ZBBX: variants seen among roughly 807,000 people sequenced by gnomAD.
The protein encoded by ZBBX is zinc finger B-box domain containing, also known as zinc finger B-box domain-containing protein 1.
Under a neutral mutation model 108.5 loss-of-function variants are expected in ZBBX, and 101 were observed. That is an observed-to-expected ratio of 0.93 (90% confidence interval 0.79 to 1.10). The LOEUF is 1.10. Ranked by LOEUF, ZBBX falls within the 50% of genes least tolerant of loss-of-function variation. ZBBX has a pLI of 0.00. For synonymous variants in ZBBX, 356 were observed against 323.4 expected (o/e 1.10, Z -1.08); for missense variants, 1,009 against 941.4 (o/e 1.07, Z -0.94).
chr3:167,406,045 C>G (rs1049838083), intron 1 of ZBBX, among the ~76,000 whole-genome samples: 1 of 152,078 alleles, frequency 6.6e-6, no homozygotes, highest in Non-Finnish European at 1.5e-5. Context: ...GCCTGGGTTG[C>G]AAGGGCAAGA....
At chr3:167,275,460 C>T (rs1223001227) in intron 20 of ZBBX, among the ~76,000 whole-genome samples, 1 of 152,204 alleles carries the variant, frequency 6.6e-6, no homozygotes, top group Non-Finnish European at 1.5e-5. Context: ...GGCATTGCCT[C>T]ACTCGGGAAG....
chr3:167,301,830 G>A (rs1732732035), intron 17 of ZBBX, among the ~76,000 whole-genome samples: 1 of 151,760 alleles, frequency 6.6e-6, no homozygotes, highest in Non-Finnish European at 1.5e-5. Context: ...ACTGGTGGGC[G>A]CCTGTAGTCC....
chr3:167,393,984 T>C (rs1748156331), intron 1 of ZBBX, among the ~76,000 whole-genome samples: 1 of 151,952 alleles, frequency 6.6e-6, no homozygotes, highest in African/African-American at 2.4e-5. Context: ...TAAATGAAAA[T>C]GTAGAAAGTA....
At chr3:167,277,391 A>C (rs894642052) in intron 20 of ZBBX, among the ~76,000 whole-genome samples, 1 of 152,190 alleles carries the variant, frequency 6.6e-6, no homozygotes, top group East Asian at 1.9e-4. Flanking sequence ...TCAAAATAAA[A>C]GGATAGAGGA....
At position 167,240,482 on chromosome 3, in the gene ZBBX, T is replaced by G. The variant is rs2108300380; in HGVS notation, c.*311A>C. 5.7e-6 allele frequency: 1 copy of G among 174,524 alleles called. No homozygotes were observed. Among genetic ancestry groups the G allele is most frequent in the South Asian group, 1.5e-4 (1 of 6,682 alleles). The allele number at this position is 174,524 out of a possible 1,614,324, so 10.8% of individuals were successfully genotyped here. A position where few individuals can be genotyped will look rare whatever the true frequency, so the allele number is the denominator to read the frequency against. The stretch of plus-strand genomic sequence containing the variant: ...TAAAATATAATTGGACGATGAAATA[T>G]TTCTTTAAGTATAATCATGTTCTGC... On this transcript the variant is annotated 3_prime_UTR_variant, in exon 22 of 22. Coordinates refer to ENST00000675490, the MANE Select transcript of ZBBX (RefSeq NM_001199201.2).
chr3:167,256,291 T>C (rs1723497956), intron 20 of ZBBX, among the ~76,000 whole-genome samples: 1 of 152,128 alleles, frequency 6.6e-6, no homozygotes, highest in African/African-American at 2.4e-5. Flanking sequence ...ATCTCTTGGA[T>C]ATATGGGTTT....
chr3:167,391,212 C>T (rs1017097279), intron 1 of ZBBX, among the ~76,000 whole-genome samples: 3 of 151,970 alleles, frequency 2.0e-5, no homozygotes, highest in Non-Finnish European at 2.9e-5. Context: ...TGAATTTTGT[C>T]GAAGGCCTTT....
At chr3:167,217,294 A>G in the ZBBX span, among the ~76,000 whole-genome samples, 2 of 152,170 alleles carry the variant, frequency 1.3e-5, no homozygotes, top group African/African-American at 2.4e-5. Context: ...CCCATTAAAA[A>G]CTGGGTAAAG....
intron 9 of ZBBX, among the ~76,000 whole-genome samples, chr3:167,338,089 A>G (rs1272810880): frequency 6.6e-6 from 1 of 152,162 alleles, no homozygotes; most frequent in Non-Finnish European, 1.5e-5. Flanking sequence ...TAAATCATAT[A>G]TCTCACTCTA....
chr3:167,327,635 G>A (rs1027839663), intron 11 of ZBBX, among the ~76,000 whole-genome samples: 2 of 151,922 alleles, frequency 1.3e-5, no homozygotes, highest in Non-Finnish European at 2.9e-5. Context: ...AAACCATACG[G>A]GCTGGGCACA....
chr3:167,195,460 C>T, the ZBBX span, among the ~76,000 whole-genome samples: 680 of 152,172 alleles, frequency 4.5e-3, 2 homozygotes, highest in African/African-American at 0.016. Flanking sequence ...AAAACATATG[C>T]CAAACTAACC....
chr3:167,210,150 A>C, the ZBBX span, among the ~76,000 whole-genome samples: 1 of 152,146 alleles, frequency 6.6e-6, no homozygotes, highest in African/African-American at 2.4e-5. Flanking sequence ...ATGGAATTCA[A>C]GATAACACAG....
chr3:167,263,473 T>C (rs1724938888), intron 20 of ZBBX, among the ~76,000 whole-genome samples: 1 of 152,234 alleles, frequency 6.6e-6, no homozygotes, highest in Admixed American at 6.5e-5. Context: ...TCTTAATTTA[T>C]ACATTGATAC....
At chr3:167,275,617 C>T (rs1239670238) in intron 20 of ZBBX, among the ~76,000 whole-genome samples, 3 of 152,214 alleles carry the variant, frequency 2.0e-5, no homozygotes, top group Non-Finnish European at 4.4e-5. Flanking sequence ...GCACATGGCT[C>T]GGAGGGTCCT....
rs1284208817 is a variant in ZBBX at position 167,368,577 on chromosome 3, G to A, written c.69-3C>T. On this transcript the variant is annotated splice_region_variant and splice_polypyrimidine_tract_variant and intron_variant, in intron 4 of 21. Transcript: ENST00000675490. ...CCATTCGCAGTTCTTGAGCATTTCTGAAGACATAAGATTTAAATGGAGAAA... is the reference window on the plus strand; with the variant it reads ...CCATTCGCAGTTCTTGAGCATTTCTAAAGACATAAGATTTAAATGGAGAAA... 1.3e-6 allele frequency: 2 copies of A among 1,587,780 alleles called. No individual in the cohort carries two copies. Among genetic ancestry groups the A allele is most frequent in the African/African-American group, 2.7e-5 (2 of 73,608 alleles).
At chr3:167,218,734 AC>A in the ZBBX span, among the ~76,000 whole-genome samples, 4 of 152,250 alleles carry the variant, frequency 2.6e-5, no homozygotes, top group African/African-American at 9.6e-5. Context: ...CCACAAAACA[AC>A]CAGAACACAA....
At chr3:167,305,974 A>G in intron 16 of ZBBX, 24 bp from the exon 17 acceptor site, 1 of 1,457,160 alleles carries the variant, frequency 6.9e-7, no homozygotes, top group Non-Finnish European at 9.1e-7. Flanking sequence ...ACAGTTACAA[A>G]AGGTACATAA....
At chr3:167,262,532 T>C (rs1184629845) in intron 20 of ZBBX, among the ~76,000 whole-genome samples, 1 of 152,178 alleles carries the variant, frequency 6.6e-6, no homozygotes, top group Non-Finnish European at 1.5e-5. Context: ...GGTTTGTTTG[T>C]TTGTTTTGAG....
the ZBBX span, among the ~76,000 whole-genome samples, chr3:167,208,666 C>T: frequency 5.9e-5 from 9 of 152,326 alleles, no homozygotes; most frequent in South Asian, 8.3e-4. Context: ...GTCATAGCCA[C>T]GGATTACTTC....
Sources: allele counts gnomAD v4.1 joint callset (sites outside exome capture counted in the v4.1 genomes callset), GRCh38; gene constraint gnomAD v4.1.1; transcripts MANE v1.5; gene names NCBI Gene and HGNC (gene_info 2026-07-23, HGNC 2026-07-21).